The following GRID2 variants were observed in gnomAD, a reference collection of about 807,000 sequenced individuals.
The protein encoded by GRID2 is glutamate ionotropic receptor delta type subunit 2.
Under a neutral mutation model 114.8 loss-of-function variants are expected in GRID2, and 33 were observed. The observed-to-expected ratio is 0.29, with a 90% CI of 0.22 to 0.38. The LOEUF is 0.38. Ranked by LOEUF, GRID2 falls within the 10% of genes least tolerant of loss-of-function variation. GRID2 has a pLI of 1.00. For missense variants in GRID2, 1,184 were observed against 1,257.7 expected (o/e 0.94, Z 0.89); for synonymous variants, 505 against 449.9 (o/e 1.12, Z -1.55).
chr4:93,049,526 A>G (rs1726492476), intron 2 of GRID2, among the ~76,000 whole-genome samples: 1 of 151,872 alleles, frequency 6.6e-6, no homozygotes, highest in South Asian at 2.1e-4. Flanking sequence ...CCCCAAAAAA[A>G]TTAATGCATT....
At position 93,419,620 on chromosome 4, in the gene GRID2, A is replaced by T. The variant is rs1396784059; in HGVS notation, c.1348-3151A>T. ...GATGCAATGAAAGTTTATTTAGGGC[A>T]TAAAATTTAAAAGGTATGTTATCAA... On this transcript the variant is annotated intron_variant, in intron 9 of 15. Coordinates refer to ENST00000282020, the MANE Select transcript of GRID2 (RefSeq NM_001510.4). Among the ~76,000 whole-genome samples, 5 of 152,232 alleles carry T rather than the reference A, an allele frequency of 3.3e-5. No individual in the cohort carries two copies. The East Asian group carries it at 9.7e-4, about 29-fold the overall frequency.
chr4:92,701,310 C>T (rs1009758971), intron 2 of GRID2, among the ~76,000 whole-genome samples: 1 of 152,146 alleles, frequency 6.6e-6, no homozygotes, highest in Non-Finnish European at 1.5e-5. Flanking sequence ...TATCCAAGCA[C>T]TTTCACTCCA....
intron 4 of GRID2, among the ~76,000 whole-genome samples, chr4:93,120,933 A>G (rs1025404102): frequency 2.6e-5 from 4 of 152,152 alleles, no homozygotes; most frequent in African/African-American, 9.7e-5. Flanking sequence ...AGCCTGGGCG[A>G]CAGTGCGAGA....
At chr4:92,548,967 A>T (rs1283175683) in intron 1 of GRID2, among the ~76,000 whole-genome samples, 1 of 151,734 alleles carries the variant, frequency 6.6e-6, no homozygotes, top group African/African-American at 2.4e-5. Context: ...TGGCCAAATC[A>T]CCTCCCACCA....
chr4:93,283,169 A>AT (rs1452475423), intron 8 of GRID2, among the ~76,000 whole-genome samples: 1 of 152,028 alleles, frequency 6.6e-6, no homozygotes, highest in Non-Finnish European at 1.5e-5. Context: ...GCCCTACCTA[A>AT]TTTCGCAAAG....
chr4:92,985,633 C>A (rs1375693945), intron 2 of GRID2, among the ~76,000 whole-genome samples: 1 of 152,120 alleles, frequency 6.6e-6, no homozygotes, highest in Non-Finnish European at 1.5e-5. Context: ...TGATTTACTG[C>A]ATGATTTTTA....
At chr4:92,677,385 C>T (rs1349152680) in intron 2 of GRID2, among the ~76,000 whole-genome samples, 1 of 152,144 alleles carries the variant, frequency 6.6e-6, no homozygotes, top group Non-Finnish European at 1.5e-5. Flanking sequence ...TTGGCAGGAA[C>T]CTTATGAAAA....
At chr4:93,501,309 G>GT (rs1728081285) in intron 12 of GRID2, among the ~76,000 whole-genome samples, 1 of 152,000 alleles carries the variant, frequency 6.6e-6, no homozygotes, top group Non-Finnish European at 1.5e-5. Flanking sequence ...TCCAGTAGGA[G>GT]TCTTTTTTAT....
At chr4:93,100,027 C>T (rs1007839544) in intron 3 of GRID2, among the ~76,000 whole-genome samples, 4 of 151,924 alleles carry the variant, frequency 2.6e-5, no homozygotes, top group African/African-American at 9.7e-5. Context: ...TACTTTCCAG[C>T]TTTCAGTTGT....
intron 2 of GRID2, among the ~76,000 whole-genome samples, chr4:92,686,956 A>G (rs1385991309): frequency 6.6e-6 from 1 of 152,110 alleles, no homozygotes; most frequent in East Asian, 1.9e-4. Context: ...AAATTATTTG[A>G]ATGTTTTTTG....
intron 8 of GRID2, among the ~76,000 whole-genome samples, chr4:93,377,302 A>G (rs1243668029): frequency 6.6e-6 from 1 of 152,118 alleles, no homozygotes; most frequent in East Asian, 1.9e-4. Flanking sequence ...TAAACTTTGT[A>G]AATGTTCACT....
intron 1 of GRID2, among the ~76,000 whole-genome samples, chr4:92,499,787 G>A (rs1723579341): frequency 6.6e-6 from 1 of 152,062 alleles, no homozygotes; most frequent in African/African-American, 2.4e-5. Context: ...GTTAACTTTT[G>A]TATATTTAGT....
At chr4:92,457,339 GT>G (rs1721266290) in intron 1 of GRID2, among the ~76,000 whole-genome samples, 1 of 152,006 alleles carries the variant, frequency 6.6e-6, no homozygotes, top group Non-Finnish European at 1.5e-5. Context: ...AATTATTTAT[GT>G]TTATGTGTTA....
intron 13 of GRID2, among the ~76,000 whole-genome samples, chr4:93,539,102 T>C (rs1732399120): frequency 6.6e-6 from 1 of 151,908 alleles, no homozygotes; most frequent in South Asian, 2.1e-4. Flanking sequence ...TTAAAAGCTA[T>C]AGAAACATAT....
intron 2 of GRID2, among the ~76,000 whole-genome samples, chr4:93,028,977 G>A (rs1331957709): frequency 6.6e-6 from 1 of 152,018 alleles, no homozygotes; most frequent in African/African-American, 2.4e-5. Flanking sequence ...AGTTAACACA[G>A]TGATCTTATT....
chr4:92,736,800 G>T (rs571108435), intron 2 of GRID2, among the ~76,000 whole-genome samples: 1 of 152,154 alleles, frequency 6.6e-6, no homozygotes, highest in South Asian at 2.1e-4. Flanking sequence ...CTCTTACAAA[G>T]AGAGTAAAGT....
At chr4:92,669,031 C>T (rs528847868) in intron 2 of GRID2, among the ~76,000 whole-genome samples, 52 of 151,760 alleles carry the variant, frequency 3.4e-4, no homozygotes, top group African/African-American at 1.0e-3. Context: ...TTCACTCTTG[C>T]GATGTCATTT....
At chr4:92,987,823 A>T (rs550023155) in intron 2 of GRID2, among the ~76,000 whole-genome samples, 2 of 152,274 alleles carry the variant, frequency 1.3e-5, no homozygotes, top group African/African-American at 4.8e-5. Flanking sequence ...TAACTGTTAA[A>T]ATACAAATAC....
chr4:93,015,426 T>C (rs1413395863), intron 2 of GRID2, among the ~76,000 whole-genome samples: 1 of 152,158 alleles, frequency 6.6e-6, no homozygotes. Context: ...AAGATTTTGT[T>C]TGGGAAATTT....
Sources: allele counts gnomAD v4.1 joint callset (sites outside exome capture counted in the v4.1 genomes callset), GRCh38; gene constraint gnomAD v4.1.1; transcripts MANE v1.5; gene names NCBI Gene and HGNC (gene_info 2026-07-23, HGNC 2026-07-21).